TFDP2: variants seen among roughly 807,000 people sequenced by gnomAD.
TFDP2 encodes the protein transcription factor Dp-2, also known as transcription factor Dp-2 (E2F dimerization partner 2).
A neutral mutation model predicts 59.3 loss-of-function variants in TFDP2; 17 were observed. That is an observed-to-expected ratio of 0.29 (90% CI 0.20 to 0.43). The LOEUF (loss-of-function observed/expected upper bound fraction) is 0.43. TFDP2 is among the 20% of genes least tolerant of loss of function. The probability of loss-of-function intolerance (pLI) is 1.00; values close to 1 mark genes in which losing one functional copy is unlikely to be tolerated. For synonymous variants in TFDP2, 180 were observed against 194.7 expected, an observed-to-expected ratio of 0.92 and a Z score of 0.63; for missense variants, 391 against 528.8, an observed-to-expected ratio of 0.74 and a Z score of 2.56.
chr3:142,006,625 C>T (rs1031418691), intron 3 of TFDP2, among the ~76,000 whole-genome samples: 28 of 152,110 alleles, frequency 1.8e-4, no homozygotes, highest in African/African-American at 6.8e-4. Context: ...TGCATCACCA[C>T]ACCTGGCTAA....
At chr3:141,995,236 A>T (rs1576624163) in intron 4 of TFDP2, 95 bp from the exon 5 acceptor site, 1 of 1,071,864 alleles carries the variant, frequency 9.3e-7, no homozygotes. Context: ...CATATGAGGA[A>T]ACCTTGCTGC....
chr3:142,083,656 A>G (rs2060713636), intron 3 of TFDP2, among the ~76,000 whole-genome samples: 1 of 152,218 alleles, frequency 6.6e-6, no homozygotes, highest in Non-Finnish European at 1.5e-5. Flanking sequence ...AAAAACAGAC[A>G]CATAGACCAA....
Position 142,068,731 on chromosome 3 carries a change from T to G in TFDP2, c.82+24330A>C, listed in dbSNP as rs1270518214. Among the ~76,000 whole-genome samples, 5 of 152,062 alleles carry G rather than the reference T, an allele frequency of 3.3e-5. No homozygotes were observed. The East Asian group carries it at 5.8e-4, about 18-fold the overall frequency. The stretch of plus-strand genomic sequence containing the variant: ...ACAGGTACACACCACCACCCCCAGC[T>G]AATTTTTCGTAGAGACAGGGTTTCA... On this transcript the variant is annotated intron_variant, in intron 3 of 12. Transcript: ENST00000489671.
At chr3:142,127,259 C>T (rs9869300) in intron 1 of TFDP2, among the ~76,000 whole-genome samples, 1 of 147,122 alleles carries the variant, frequency 6.8e-6, no homozygotes, top group Non-Finnish European at 1.5e-5. Context: ...CCTCAACCTT[C>T]TGAGTCGCTA....
chr3:142,128,426 G>T (rs115163871), intron 1 of TFDP2, among the ~76,000 whole-genome samples: 2 of 152,170 alleles, frequency 1.3e-5, no homozygotes, highest in African/African-American at 4.8e-5. Context: ...ATCCCTCTGC[G>T]AGGGAAAGTG....
chr3:142,023,801 A>G (rs554101329), intron 3 of TFDP2, among the ~76,000 whole-genome samples: 1 of 152,204 alleles, frequency 6.6e-6, no homozygotes, highest in South Asian at 2.1e-4. Context: ...TTTATCCATT[A>G]AAGATTTTTA....
intron 1 of TFDP2, among the ~76,000 whole-genome samples, chr3:142,106,068 A>T (rs1156425708): frequency 1.3e-5 from 2 of 151,672 alleles, no homozygotes; most frequent in Non-Finnish European, 2.9e-5. Flanking sequence ...AAAATACCAT[A>T]ACATAAACCC....
At chr3:142,009,860 T>C (rs1180017812) in intron 3 of TFDP2, among the ~76,000 whole-genome samples, 1 of 152,096 alleles carries the variant, frequency 6.6e-6, no homozygotes, top group Non-Finnish European at 1.5e-5. Context: ...ACTATCCATT[T>C]GGATAAAAGA....
chr3:142,019,267 T>C (rs1163773892), intron 3 of TFDP2, among the ~76,000 whole-genome samples: 1 of 152,128 alleles, frequency 6.6e-6, no homozygotes, highest in African/African-American at 2.4e-5. Flanking sequence ...TTTCACCGTG[T>C]TGCCCAGGCT....
chr3:142,032,258 C>T (rs1169687702), intron 3 of TFDP2, among the ~76,000 whole-genome samples: 1 of 152,116 alleles, frequency 6.6e-6, no homozygotes, highest in Non-Finnish European at 1.5e-5. Flanking sequence ...TGTGCACCAC[C>T]ATGCCTGGCT....
At chr3:142,090,319 C>T (rs1459499911) in intron 3 of TFDP2, among the ~76,000 whole-genome samples, 3 of 152,126 alleles carry the variant, frequency 2.0e-5, no homozygotes, top group Non-Finnish European at 4.4e-5. Flanking sequence ...AATCTGATCT[C>T]TCTAGTCCAC....
intron 1 of TFDP2, among the ~76,000 whole-genome samples, chr3:142,131,361 A>G (rs2062495951): frequency 6.7e-6 from 1 of 150,272 alleles, no homozygotes. Context: ...CCACAATCAT[A>G]CAAGACAATT....
intron 3 of TFDP2, among the ~76,000 whole-genome samples, chr3:142,092,740 C>T (rs538297786): frequency 1.3e-5 from 2 of 152,262 alleles, no homozygotes; most frequent in African/African-American, 4.8e-5. Context: ...CTCTACTGTA[C>T]TTCCTTACAA....
At chr3:141,988,828 A>G (rs974077537) in intron 6 of TFDP2, among the ~76,000 whole-genome samples, 1 of 151,706 alleles carries the variant, frequency 6.6e-6, no homozygotes, top group Admixed American at 6.6e-5. Context: ...ATGCCCAGCT[A>G]TATTTTGTAT....
intron 9 of TFDP2, among the ~76,000 whole-genome samples, chr3:141,965,624 AAAAAG>A (rs996908746): frequency 4.4e-4 from 66 of 151,626 alleles, no homozygotes; most frequent in African/African-American, 1.4e-3. Context: ...AAGGAAAGGA[AAAAAG>A]AAAAGAAAAG....
intron 1 of TFDP2, among the ~76,000 whole-genome samples, chr3:142,107,390 T>C (rs968869143): frequency 6.6e-6 from 1 of 151,584 alleles, no homozygotes; most frequent in Admixed American, 6.6e-5. Flanking sequence ...TGCCACCACG[T>C]CTGGCTAATT....
chr3:142,092,975 A>G, intron 3 of TFDP2, 86 bp downstream of exon 3: 2 of 882,520 alleles, frequency 2.3e-6, no homozygotes, highest in South Asian at 3.6e-5. Context: ...TATTATACAT[A>G]AAGTAATTCA....
chr3:141,974,867 G>C (rs1208970437), intron 7 of TFDP2, among the ~76,000 whole-genome samples: 1 of 150,528 alleles, frequency 6.6e-6, no homozygotes, highest in Non-Finnish European at 1.5e-5. Context: ...TATATGACAA[G>C]GGACACTGTT....
At chr3:142,078,215 G>A (rs2060529690) in intron 3 of TFDP2, among the ~76,000 whole-genome samples, 2 of 152,192 alleles carry the variant, frequency 1.3e-5, no homozygotes, top group Non-Finnish European at 2.9e-5. Flanking sequence ...CTGCCTCCCA[G>A]ATGGCGTCTC....
Sources: allele counts gnomAD v4.1 joint callset (sites outside exome capture counted in the v4.1 genomes callset), GRCh38; gene constraint gnomAD v4.1.1; transcripts MANE v1.5; gene names NCBI Gene and HGNC (gene_info 2026-07-23, HGNC 2026-07-21).